Variants in KIF13A observed in about 807,000 individuals in gnomAD.
The protein encoded by KIF13A is kinesin-like protein KIF13A.
Under a neutral mutation model 212.2 loss-of-function variants are expected in KIF13A, and 79 were observed. That is an observed-to-expected ratio of 0.37 (90% CI 0.31 to 0.45). The LOEUF (loss-of-function observed/expected upper bound fraction) is 0.45. Ranked by LOEUF, KIF13A falls within the 20% of genes least tolerant of loss-of-function variation. KIF13A has a pLI of 1.00. For synonymous variants in KIF13A, 789 were observed against 808.6 expected (o/e 0.98, Z 0.41); for missense variants, 1,901 against 2,209.0 (o/e 0.86, Z 2.79).
At chr6:17,862,234 A>G (rs2150415485) in intron 4 of KIF13A, among the ~76,000 whole-genome samples, 2 of 152,290 alleles carry the variant, frequency 1.3e-5, no homozygotes, top group South Asian at 4.1e-4. Flanking sequence ...TGACACTGGG[A>G]AGGTTCCCAG....
chr6:17,987,477 G>A lies in KIF13A; in HGVS notation c.-14C>T. On this transcript the variant is annotated 5_prime_UTR_variant, in exon 1 of 39. Transcript: ENST00000259711. The surrounding 1 kb of genome is among the most constrained non-coding windows in gnomAD (Gnocchi z 7.7). ...GGTATCCGACATGTTGGCTGCGCTCGCCCGGCCGCTCGCCGCGCCCGCTCG... is the reference window on the plus strand; with the variant it reads ...GGTATCCGACATGTTGGCTGCGCTCACCCGGCCGCTCGCCGCGCCCGCTCG... The A allele has an allele frequency of 2.4e-6, 3 of 1,255,982 alleles. No homozygotes were observed. The highest frequency in any genetic ancestry group is 2.9e-5 in the South Asian group (2 of 70,132). The allele number at this position is 1,255,982 out of a possible 1,614,324, so 77.8% of individuals were successfully genotyped here.
chr6:17,846,843 C>G (rs926768643), intron 9 of KIF13A, among the ~76,000 whole-genome samples: 3 of 152,166 alleles, frequency 2.0e-5, no homozygotes, highest in Non-Finnish European at 2.9e-5. Context: ...GCCTGGCAAA[C>G]AGAATGCACA....
At chr6:17,864,387 C>G (rs1157532623) in intron 4 of KIF13A, among the ~76,000 whole-genome samples, 1 of 152,170 alleles carries the variant, frequency 6.6e-6, no homozygotes, top group Non-Finnish European at 1.5e-5. Context: ...CCAAAGTAAC[C>G]CATAACACAA....
chr6:17,809,037 A>G lies in KIF13A; in HGVS notation c.2001-107T>C. 9.4e-7 allele frequency: 1 copy of G among 1,068,470 alleles called. No individual in the cohort carries two copies. The highest frequency in any genetic ancestry group is 1.7e-5 in the South Asian group (1 of 57,612). The allele number at this position is 1,068,470 out of a possible 1,614,324, so 66.2% of individuals were successfully genotyped here. A position where few individuals can be genotyped will look rare whatever the true frequency, so the allele number is the denominator to read the frequency against. ...TGGGAGAAAACTCCTCTCGGGCAGTATTTTTCAAACTATTTTACCAGACTA... is the reference window on the plus strand; with the variant it reads ...TGGGAGAAAACTCCTCTCGGGCAGTGTTTTTCAAACTATTTTACCAGACTA... On this transcript the variant is annotated intron_variant, in intron 17 of 38. Transcript: ENST00000259711. The surrounding 1 kb of genome is among the most constrained non-coding windows in gnomAD (Gnocchi z 4.7).
rs985062721 is a variant in KIF13A, at chr6:17,769,869, C to G, written c.4581+1245G>C. Among the ~76,000 whole-genome samples the G allele has an allele frequency of 1.3e-5, 2 of 152,094 alleles. No homozygotes were observed. Among genetic ancestry groups the G allele is most frequent in the African/African-American group, 4.8e-5 (2 of 41,392 alleles). ...AAGATTTGGAGAGATGAAGGAGCAG[C>G]TATTAATGTGCGGATTCTTCTCCAT... On this transcript the variant is annotated intron_variant, in intron 38 of 38. Transcript: ENST00000259711. This position sits in a 1 kb window ranked among gnomAD's most constrained non-coding sequence, Gnocchi z 5.8.
intron 38 of KIF13A, 124 bp downstream of exon 38, chr6:17,770,990 T>C: frequency 1.6e-6 from 1 of 643,124 alleles, no homozygotes; most frequent in Non-Finnish European, 2.7e-6. Context: ...TGGTCACATT[T>C]TTATTTTCTT....
intron 2 of KIF13A, among the ~76,000 whole-genome samples, chr6:17,960,090 T>C (rs1298949384): frequency 2.6e-5 from 4 of 151,648 alleles, no homozygotes; most frequent in Admixed American, 6.6e-5. Context: ...CCTCCCCAAA[T>C]GGTGGCTAGA....
Position 17,779,079 on chromosome 6 carries a change from G to T in KIF13A, c.3960C>A (p.Asp1320Glu), listed in dbSNP as rs748974986. 6 of 1,613,532 alleles carry T rather than the reference G, an allele frequency of 3.7e-6. No homozygotes were observed. The highest frequency in any genetic ancestry group is 1.6e-4 in the Middle Eastern group (1 of 6,062). Residue 1320 changes from aspartate to glutamate, a missense_variant, in exon 33 of 39, where the codon GAC (aspartate) becomes GAA (glutamate). Physicochemically the swap from Asp to Glu is conservative, Grantham distance 45 (BLOSUM62 2). Transcript: ENST00000259711. ...CTGCCAGGAGAGCCAGCGTTTCCCGGTCCTCTATCTCCTCAGTTGCCTACG... is the reference window on the plus strand; with the variant it reads ...CTGCCAGGAGAGCCAGCGTTTCCCGTTCCTCTATCTCCTCAGTTGCCTACG... ...NIPKATEEIE[D>E]RETLALLAAR...
chr6:17,865,336 A>AT (rs67928660), intron 4 of KIF13A, among the ~76,000 whole-genome samples: 1 of 41,304 alleles, frequency 2.4e-5, no homozygotes, highest in African/African-American at 9.4e-5. Flanking sequence ...GAAAAAAAAA[A>AT]AATAAAGGCT....
chr6:17,934,288 C>T lies in KIF13A; in HGVS notation c.147-36108G>A, dbSNP rs1347417950. 6.6e-6 allele frequency among the ~76,000 whole-genome samples: 1 copy of T among 152,134 alleles called. No individual in the cohort carries two copies. Among genetic ancestry groups the T allele is most frequent in the East Asian group, 1.9e-4 (1 of 5,188 alleles). On this transcript the variant is annotated intron_variant, in intron 2 of 38. Transcript: ENST00000259711. The surrounding 1 kb of genome is among the most constrained non-coding windows in gnomAD (Gnocchi z 5.4). ...TCAGAGCAGAGGGCCCGGCTTGTAG[C>T]GTGCACTTGCAGGTAGGCAAGAAAA...
intron 2 of KIF13A, among the ~76,000 whole-genome samples, chr6:17,983,150 G>C (rs1781237238): frequency 7.0e-6 from 1 of 143,668 alleles, no homozygotes; most frequent in Non-Finnish European, 1.5e-5. Flanking sequence ...TCCAGCCCAG[G>C]TGACAGTGCG....
intron 3 of KIF13A, chr6:17,881,340 G>A (rs145630037): frequency 3.0e-6 from 1 of 337,370 alleles, no homozygotes; most frequent in Non-Finnish European, 5.7e-6. Flanking sequence ...ATAATCTGAG[G>A]TAATGAAGTT....
intron 2 of KIF13A, among the ~76,000 whole-genome samples, chr6:17,928,187 G>C (rs935982479): frequency 3.3e-5 from 5 of 152,204 alleles, no homozygotes; most frequent in Non-Finnish European, 7.3e-5. Context: ...ATCTTCATCA[G>C]ACTTTGCACA....
chr6:17,860,243 C>T (rs1768613850), intron 4 of KIF13A, among the ~76,000 whole-genome samples: 1 of 152,010 alleles, frequency 6.6e-6, no homozygotes, highest in African/African-American at 2.4e-5. Context: ...GGCTGGAGTG[C>T]AGTGGTACAA....
rs769600563 is a variant in KIF13A at position 17,966,789 on chromosome 6, T to C, written c.146+20265A>G. Among the ~76,000 whole-genome samples the C allele has an allele frequency of 2.6e-5, 4 of 152,208 alleles. No homozygotes were observed. In the East Asian group the frequency reaches 7.7e-4, roughly 29 times the overall value. ...ATGATTCTTATTATTGCACGAACAA[T>C]AATAACACACACTAAGAAAAATATC... is the stretch of plus-strand genomic sequence containing the variant. On this transcript the variant is annotated intron_variant, in intron 2 of 38. Transcript: ENST00000259711.
intron 4 of KIF13A, among the ~76,000 whole-genome samples, chr6:17,870,540 T>C (rs1279117155): frequency 6.6e-6 from 1 of 151,900 alleles, no homozygotes; most frequent in Non-Finnish European, 1.5e-5. Flanking sequence ...TAATGGAGGA[T>C]GTGATTCCAG....
rs147663935 is a variant in KIF13A at position 17,898,254 on chromosome 6, A to C, written c.147-74T>G. On this transcript the variant is annotated intron_variant, in intron 2 of 38. Coordinates refer to ENST00000259711, the MANE Select transcript of KIF13A (RefSeq NM_022113.6). The surrounding 1 kb of genome is among the most constrained non-coding windows in gnomAD (Gnocchi z 5.2). ...TCAACACAGCAGCCACATCAGAGGG[A>C]AACAATGAAAGAGAAAAAAATAAGG... 3.1e-4 allele frequency: 431 copies of C among 1,412,940 alleles called. 3 individuals carry two copies. In the African/African-American group the frequency reaches 5.2e-3, roughly 17 times the overall value. The allele number at this position is 1,412,940 out of a possible 1,614,324, so 87.5% of individuals were successfully genotyped here. A position where few individuals can be genotyped will look rare whatever the true frequency, so the allele number is the denominator to read the frequency against.
At chr6:17,931,577 G>C (rs1426692897) in intron 2 of KIF13A, among the ~76,000 whole-genome samples, 2 of 152,060 alleles carry the variant, frequency 1.3e-5, no homozygotes, top group African/African-American at 4.8e-5. Flanking sequence ...TTAGAAATAG[G>C]ATCCTGCTAT....
rs77372085 is a variant in KIF13A, at chr6:17,810,065, A to T, written c.2001-1135T>A. On this transcript the variant is annotated intron_variant, in intron 17 of 38. Transcript: ENST00000259711. ...AACATAGCAAGACCTCATCTCTATT[A>T]AAAAAAAACAAAAAAGGTGATACCA... Among the ~76,000 whole-genome samples the T allele has an allele frequency of 8.2e-3, 1,234 of 150,354 alleles. 21 individuals are homozygous for T. Among genetic ancestry groups the T allele is most frequent in the African/African-American group, 0.03 (1,191 of 40,356 alleles).
Sources: allele counts gnomAD v4.1 joint callset (sites outside exome capture counted in the v4.1 genomes callset), GRCh38; gene constraint gnomAD v4.1.1; non-coding constraint Gnocchi (gnomAD v3.1); transcripts MANE v1.5; gene names NCBI Gene and HGNC (gene_info 2026-07-23, HGNC 2026-07-21).